The following ZBTB20 variants were observed in gnomAD, a reference collection of about 807,000 sequenced individuals.
The protein encoded by ZBTB20 is zinc finger and BTB domain-containing protein 20.
ZBTB20 carries 9 observed loss-of-function variants against 56.9 expected under a neutral mutation model. That is an observed-to-expected ratio of 0.16 (90% CI 0.10 to 0.28). ZBTB20 has a LOEUF of 0.28. Among genes scored for constraint, ZBTB20 ranks in the 10% least tolerant of loss-of-function variants. The pLI is 1.00. For synonymous variants in ZBTB20, 417 were observed against 420.7 expected (o/e 0.99, Z 0.11); for missense variants, 655 against 1,003.0 (o/e 0.65, Z 4.69).
intron 2 of ZBTB20, among the ~76,000 whole-genome samples, chr3:115,025,391 TA>T (rs1297637576): frequency 5.3e-5 from 8 of 151,286 alleles, no homozygotes; most frequent in Non-Finnish European, 1.2e-4. Context: ...CTATTGTGAA[TA>T]GTGCTGCAAT....
chr3:115,056,927 T>G (rs1210946101), intron 2 of ZBTB20, among the ~76,000 whole-genome samples: 1 of 152,166 alleles, frequency 6.6e-6, no homozygotes, highest in African/African-American at 2.4e-5. Context: ...AATAACAGGT[T>G]TGTGTCTAAT....
At chr3:115,128,739 G>C in intron 1 of ZBTB20, among the ~76,000 whole-genome samples, 1 of 137,410 alleles carries the variant, frequency 7.3e-6, no homozygotes, top group Admixed American at 7.2e-5. Context: ...GTGGAGGGGA[G>C]GGAAGGGGAG....
chr3:114,890,732 T>TAG (rs1202440888), intron 4 of ZBTB20, among the ~76,000 whole-genome samples: 1 of 152,112 alleles, frequency 6.6e-6, no homozygotes, highest in Non-Finnish European at 1.5e-5. Context: ...ACATGTACCC[T>TAG]AGAACTTAAA....
chr3:115,055,935 T>C (rs888181253), intron 2 of ZBTB20, among the ~76,000 whole-genome samples: 1 of 152,096 alleles, frequency 6.6e-6, no homozygotes, highest in Non-Finnish European at 1.5e-5. Flanking sequence ...CTTGGCATAA[T>C]CCAAGGTAAA....
At chr3:114,708,027 G>C (rs577589591) in intron 5 of ZBTB20, among the ~76,000 whole-genome samples, 23 of 152,282 alleles carry the variant, frequency 1.5e-4, no homozygotes, top group Non-Finnish European at 3.1e-4. Context: ...CATTGTGAGT[G>C]TTCAGTTAGG....
At chr3:114,466,985 G>A (rs1248540649) in intron 7 of ZBTB20, among the ~76,000 whole-genome samples, 1 of 152,210 alleles carries the variant, frequency 6.6e-6, no homozygotes, top group Non-Finnish European at 1.5e-5. Context: ...AGCAGGCAGT[G>A]TTTGAGATGG....
At chr3:114,686,522 AT>A (rs1411788400) in intron 6 of ZBTB20, among the ~76,000 whole-genome samples, 1 of 152,092 alleles carries the variant, frequency 6.6e-6, no homozygotes, top group African/African-American at 2.4e-5. Flanking sequence ...CTCTAATTTT[AT>A]TTTTTAATTA....
At chr3:114,626,310 C>T (rs1560055974) in intron 6 of ZBTB20, among the ~76,000 whole-genome samples, 1 of 152,192 alleles carries the variant, frequency 6.6e-6, no homozygotes. Flanking sequence ...GCCTCAGTTT[C>T]TCTCTCTTTG....
intron 2 of ZBTB20, among the ~76,000 whole-genome samples, chr3:115,009,913 G>C (rs2079627325): frequency 6.6e-6 from 1 of 151,844 alleles, no homozygotes; most frequent in Admixed American, 6.6e-5. Flanking sequence ...CCAGTCTGTG[G>C]TATTCTGTTA....
intron 1 of ZBTB20, among the ~76,000 whole-genome samples, chr3:115,097,642 C>T (rs2083429434): frequency 6.6e-6 from 1 of 152,068 alleles, no homozygotes; most frequent in South Asian, 2.1e-4. Flanking sequence ...ACTGTCTGCT[C>T]CAACATTAAA....
chr3:115,043,403 TAAA>T (rs781129655), intron 2 of ZBTB20, among the ~76,000 whole-genome samples: 2 of 126,226 alleles, frequency 1.6e-5, no homozygotes, highest in African/African-American at 2.9e-5. Flanking sequence ...TACTAAAAAC[TAAA>T]AAAAAAAAAA....
At chr3:115,130,424 C>G (rs1385531431) in intron 1 of ZBTB20, among the ~76,000 whole-genome samples, 2 of 152,176 alleles carry the variant, frequency 1.3e-5, no homozygotes, top group Admixed American at 6.5e-5. Flanking sequence ...AAGGTACCAA[C>G]TAAAGAAACT....
chr3:114,925,622 G>C (rs2076127178), intron 3 of ZBTB20, among the ~76,000 whole-genome samples: 1 of 152,048 alleles, frequency 6.6e-6, no homozygotes, highest in Non-Finnish European at 1.5e-5. Context: ...TGCCTCCTGG[G>C]TTCACACAAT....
At chr3:115,041,233 T>C (rs895746476) in intron 2 of ZBTB20, among the ~76,000 whole-genome samples, 10 of 152,316 alleles carry the variant, frequency 6.6e-5, no homozygotes, top group African/African-American at 2.4e-4. Context: ...AGTCATGTTA[T>C]ATTCACCATC....
intron 10 of ZBTB20, among the ~76,000 whole-genome samples, chr3:114,364,089 C>A (rs2082151711): frequency 6.6e-6 from 1 of 151,560 alleles, no homozygotes; most frequent in African/African-American, 2.4e-5. Context: ...TAGCATACAT[C>A]CCCAGCTTAA....
chr3:114,533,199 A>G (rs2048069005), intron 6 of ZBTB20, among the ~76,000 whole-genome samples: 1 of 152,138 alleles, frequency 6.6e-6, no homozygotes, highest in Non-Finnish European at 1.5e-5. Flanking sequence ...CCTCTGAGCT[A>G]AAGGAGCATG....
In ZBTB20 at chr3:114,335,873, AAGTC is replaced by A. The variant is rs887768663; in HGVS notation, c.*3128_*3131del. ...AGGATGATAGACTCCTCAGGGTTTCAAGTCACCTGCAGCTTTTTCTCTACATGTT... is the reference window on the plus strand; with the variant it reads ...AGGATGATAGACTCCTCAGGGTTTCAACCTGCAGCTTTTTCTCTACATGTT... On this transcript the variant is annotated 3_prime_UTR_variant, in exon 12 of 12. Coordinates refer to ENST00000675478, the MANE Select transcript of ZBTB20 (RefSeq NM_001348800.3). 57 of 152,228 alleles carry A rather than the reference AAGTC, an allele frequency of 3.7e-4. No individual in the cohort carries two copies. The highest frequency in any genetic ancestry group is 1.1e-3 in the Admixed American group (17 of 15,290). 9.4% of individuals were successfully genotyped at this position (152,228 alleles called of 1,614,324 possible). A position where few individuals can be genotyped will look rare whatever the true frequency, so the allele number is the denominator to read the frequency against.
intron 7 of ZBTB20, among the ~76,000 whole-genome samples, chr3:114,498,128 T>C (rs1361140761): frequency 1.3e-5 from 2 of 152,218 alleles, no homozygotes; most frequent in Non-Finnish European, 2.9e-5. Flanking sequence ...CTGAATTGTA[T>C]AGAGACCTAA....
intron 5 of ZBTB20, among the ~76,000 whole-genome samples, chr3:114,791,495 G>C (rs76497205): frequency 0.032 from 4,947 of 152,244 alleles, 104 homozygotes; most frequent in Middle Eastern, 0.11. Flanking sequence ...AAGAAGATGA[G>C]CAGATGTGGG....
Sources: allele counts gnomAD v4.1 joint callset (sites outside exome capture counted in the v4.1 genomes callset), GRCh38; gene constraint gnomAD v4.1.1; transcripts MANE v1.5; gene names NCBI Gene and HGNC (gene_info 2026-07-23, HGNC 2026-07-21).